Variants in DAAM1 observed in about 807,000 individuals in gnomAD.
The protein encoded by DAAM1 is dishevelled associated activator of morphogenesis 1, also known as disheveled-associated activator of morphogenesis 1.
Under a neutral mutation model 130.0 loss-of-function variants are expected in DAAM1, and 52 were observed. The observed-to-expected ratio is 0.40, with a 90% CI of 0.32 to 0.50. The LOEUF is 0.50. Among genes scored for constraint, DAAM1 ranks in the 20% least tolerant of loss-of-function variants. The probability of loss-of-function intolerance (pLI) is 0.61; values close to 1 mark genes in which losing one functional copy is unlikely to be tolerated. For synonymous variants in DAAM1, 452 were observed against 444.5 expected (o/e 1.02, Z -0.21); for missense variants, 1,134 against 1,303.8 (o/e 0.87, Z 2.01).
intron 19 of DAAM1, among the ~76,000 whole-genome samples, chr14:59,354,749 C>G (rs866644759): frequency 1.3e-5 from 2 of 152,214 alleles, no homozygotes; most frequent in Non-Finnish European, 2.9e-5. Flanking sequence ...CACCTGCAAG[C>G]TATGACATGT....
intron 12 of DAAM1, among the ~76,000 whole-genome samples, chr14:59,330,072 T>G (rs1441150111): frequency 6.6e-6 from 1 of 152,228 alleles, no homozygotes; most frequent in Non-Finnish European, 1.5e-5. Flanking sequence ...CAAACCTAAT[T>G]CATAAAAGCT....
intron 1 of DAAM1, among the ~76,000 whole-genome samples, chr14:59,242,237 C>T (rs1220541807): frequency 6.6e-6 from 1 of 152,098 alleles, no homozygotes; most frequent in East Asian, 1.9e-4. Flanking sequence ...ATCCCAAAAG[C>T]TTTATTTTCT....
chr14:59,370,811 A>G lies in DAAM1; in HGVS notation c.*1952A>G, dbSNP rs1350997648. On this transcript the variant is annotated 3_prime_UTR_variant, in exon 25 of 25. Coordinates refer to ENST00000360909, the MANE Select transcript of DAAM1 (RefSeq NM_001270520.2). ...TAATGATGGTTTTGTCTGTTCCTTA[A>G]CTAAAGTGCCTCTATGTATATTCTT... The G allele has an allele frequency of 6.6e-6, 1 of 152,308 alleles. No individual in the cohort carries two copies. The highest frequency in any genetic ancestry group is 1.9e-4 in the East Asian group (1 of 5,190). 9.4% of individuals were successfully genotyped at this position (152,308 alleles called of 1,614,324 possible).
chr14:59,192,842 A>G (rs1887771915), intron 1 of DAAM1, among the ~76,000 whole-genome samples: 5 of 152,246 alleles, frequency 3.3e-5, no homozygotes, highest in Admixed American at 3.3e-4. Flanking sequence ...TCATGAGGTC[A>G]GGACATCGAG....
chr14:59,260,322 C>T (rs983805187), intron 1 of DAAM1, among the ~76,000 whole-genome samples: 1 of 152,166 alleles, frequency 6.6e-6, no homozygotes, highest in Admixed American at 6.5e-5. Flanking sequence ...AATATGCCAA[C>T]TTAGGAAGTG....
intron 1 of DAAM1, among the ~76,000 whole-genome samples, chr14:59,225,856 C>T (rs1473330301): frequency 2.6e-4 from 39 of 152,170 alleles, no homozygotes; most frequent in Admixed American, 2.6e-3. Flanking sequence ...AATCACTTTG[C>T]ATAGCACTAT....
At chr14:59,273,293 C>T (rs1474736812) in intron 2 of DAAM1, among the ~76,000 whole-genome samples, 1 of 152,166 alleles carries the variant, frequency 6.6e-6, no homozygotes, top group Non-Finnish European at 1.5e-5. Flanking sequence ...ATTTGGACTT[C>T]AACTTCATAT....
rs189642986 is a variant in DAAM1 at position 59,230,757 on chromosome 14, G to T, written c.-37-32684G>T. Among the ~76,000 whole-genome samples the T allele has an allele frequency of 9.1e-5, 13 of 143,150 alleles. No individual in the cohort carries two copies. The East Asian group carries it at 2.9e-3, about 31-fold the overall frequency. The allele number at this position is 143,150 out of a possible 152,430, so 93.9% of individuals were successfully genotyped here. On this transcript the variant is annotated intron_variant, in intron 1 of 24. Transcript: ENST00000360909. ...TGAAAGAATGTAACAAAGGATAAAT[G>T]CTTGAGGGGAGGGGTGGGAGGGGTA...
chr14:59,294,797 A>G (rs190553243), intron 3 of DAAM1, among the ~76,000 whole-genome samples: 2 of 152,210 alleles, frequency 1.3e-5, no homozygotes, highest in Non-Finnish European at 2.9e-5. Context: ...ACAATGAACC[A>G]TCTGACCACA....
At chr14:59,311,077 T>C (rs923216241) in intron 3 of DAAM1, among the ~76,000 whole-genome samples, 2 of 152,232 alleles carry the variant, frequency 1.3e-5, no homozygotes, top group African/African-American at 4.8e-5. Context: ...TATTCTTCCT[T>C]AAAGACTTAA....
intron 1 of DAAM1, among the ~76,000 whole-genome samples, chr14:59,189,493 C>G (rs1887661701): frequency 6.6e-6 from 1 of 152,164 alleles, no homozygotes; most frequent in Non-Finnish European, 1.5e-5. Context: ...GCCGCCCGTC[C>G]CTCTCGGGAG....
intron 2 of DAAM1, among the ~76,000 whole-genome samples, chr14:59,267,489 TA>T (rs985634410): frequency 3.1e-4 from 45 of 144,582 alleles, no homozygotes; most frequent in South Asian, 8.8e-4. Context: ...CTGCTTAACT[TA>T]AAAAAAAAAA....
intron 23 of DAAM1, among the ~76,000 whole-genome samples, chr14:59,364,318 C>T (rs1250450532): frequency 1.3e-5 from 2 of 151,644 alleles, no homozygotes. Context: ...TTCACAGTCT[C>T]ATTACAAGAG....
In DAAM1 at chr14:59,370,657, A is replaced by AGTC. The variant is rs891440534; in HGVS notation, c.*1799_*1801dup. The AGTC allele has an allele frequency of 2.0e-5, 3 of 152,170 alleles. No individual in the cohort carries two copies. The highest frequency in any genetic ancestry group is 7.2e-5 in the African/African-American group (3 of 41,456). The allele number at this position is 152,170 out of a possible 1,614,324, so 9.4% of individuals were successfully genotyped here. A position where few individuals can be genotyped will look rare whatever the true frequency, so the allele number is the denominator to read the frequency against. On this transcript the variant is annotated 3_prime_UTR_variant, in exon 25 of 25. Coordinates refer to ENST00000360909, the MANE Select transcript of DAAM1 (RefSeq NM_001270520.2). ...GAAATAAATGACTAGCAAATAAAACAGTCATAAATACAAAGCAGAGGTTGC... is the reference window on the plus strand; with the variant it reads ...GAAATAAATGACTAGCAAATAAAACAGTCGTCATAAATACAAAGCAGAGGTTGC...
intron 3 of DAAM1, among the ~76,000 whole-genome samples, chr14:59,310,197 G>A (rs1415510969): frequency 2.7e-5 from 4 of 150,386 alleles, no homozygotes; most frequent in Non-Finnish European, 3.0e-5. Context: ...TGCAACCTCC[G>A]CCTCCCGGTT....
intron 1 of DAAM1, among the ~76,000 whole-genome samples, chr14:59,220,760 AACT>A (rs1888744536): frequency 6.6e-6 from 1 of 152,100 alleles, no homozygotes; most frequent in Non-Finnish European, 1.5e-5. Context: ...AAGACCTAAG[AACT>A]AGGGGATCTC....
intron 1 of DAAM1, among the ~76,000 whole-genome samples, chr14:59,212,471 G>C (rs1888455820): frequency 6.6e-6 from 1 of 152,206 alleles, no homozygotes; most frequent in South Asian, 2.1e-4. Flanking sequence ...TTAGAACACA[G>C]GTCTCTGCTA....
At position 59,237,373 on chromosome 14, in the gene DAAM1, A is replaced by C. The variant is rs113098245; in HGVS notation, c.-37-26068A>C. 2.0e-3 allele frequency among the ~76,000 whole-genome samples: 303 copies of C among 152,318 alleles called. 2 individuals are homozygous for C. Among genetic ancestry groups the C allele is most frequent in the African/African-American group, 6.8e-3 (284 of 41,582 alleles). ...TACTGATCAAGCACTTAAGTACTGC[A>C]GGATTGTGGAAATACCAAGAGAAAT... On this transcript the variant is annotated intron_variant, in intron 1 of 24. Transcript: ENST00000360909.
intron 2 of DAAM1, among the ~76,000 whole-genome samples, chr14:59,279,137 A>G (rs1883103178): frequency 6.6e-6 from 1 of 152,118 alleles, no homozygotes; most frequent in Middle Eastern, 3.2e-3. Flanking sequence ...AAATGTTTAT[A>G]GTTGTTAACC....
Sources: allele counts gnomAD v4.1 joint callset (sites outside exome capture counted in the v4.1 genomes callset), GRCh38; gene constraint gnomAD v4.1.1; transcripts MANE v1.5; gene names NCBI Gene and HGNC (gene_info 2026-07-23, HGNC 2026-07-21).